SLC39A10: variants seen among roughly 807,000 people sequenced by gnomAD.
SLC39A10 encodes solute carrier family 39 member 10, also known as zinc transporter ZIP10.
In SLC39A10, 13 loss-of-function variants were observed where a neutral mutation model predicts 65.1. The ratio of observed to expected loss-of-function variants is 0.20; its 90% CI spans 0.13 to 0.32. The LOEUF (loss-of-function observed/expected upper bound fraction) is 0.32. Among genes scored for constraint, SLC39A10 ranks in the 10% least tolerant of loss-of-function variants. The pLI is 1.00. For missense variants in SLC39A10, 831 were observed against 1,018.4 expected, an observed-to-expected ratio of 0.82 and a Z score of 2.50; for synonymous variants, 321 against 342.2, an observed-to-expected ratio of 0.94 and a Z score of 0.68.
Position 195,680,443 on chromosome 2 carries a change from A to G in SLC39A10, c.401A>G (p.His134Arg). The change falls in exon 2 of 10, where the codon CAT becomes CGT. Residue 134 changes from histidine to arginine, a missense_variant. By Grantham distance (29) the His-to-Arg change is conservative. This residue lies in a region of SLC39A10 where 446 missense variants were observed against 499.2 expected (regional missense o/e 0.89). Coordinates refer to ENST00000359634, the MANE Select transcript of SLC39A10 (RefSeq NM_020342.3). ...CATAACCACCAGCATTCCCATAATC[A>G]TTTAAATTCAGAAAATCAAACTGTG... ...HSHNHQHSHN[H>R]LNSENQTVTS... is the part of the protein sequence containing the mutation. The G allele has an allele frequency of 6.2e-7, 1 of 1,614,180 alleles. No individual in the cohort carries two copies. The highest frequency in any genetic ancestry group is 8.5e-7 in the Non-Finnish European group (1 of 1,180,028).
intron 2 of SLC39A10, among the ~76,000 whole-genome samples, chr2:195,623,901 CCACACACACA>C (rs67959883): frequency 1.2e-3 from 177 of 142,960 alleles, no homozygotes; most frequent in African/African-American, 4.2e-3. Context: ...AAACAAAAAA[CCACACACACA>C]CACACACACA....
At chr2:195,669,216 G>A (rs573340783) in intron 1 of SLC39A10, among the ~76,000 whole-genome samples, 1 of 152,052 alleles carries the variant, frequency 6.6e-6, no homozygotes, top group Admixed American at 6.6e-5. Flanking sequence ...CAATGTCTTG[G>A]TTTTTTCTAT....
intron 3 of SLC39A10, among the ~76,000 whole-genome samples, chr2:195,685,691 G>A (rs1690498285): frequency 1.3e-5 from 2 of 152,084 alleles, no homozygotes; most frequent in African/African-American, 4.8e-5. Context: ...GACCATCCTA[G>A]GCTAAATTAT....
At chr2:195,659,343 A>T (rs1358127241) in intron 1 of SLC39A10, among the ~76,000 whole-genome samples, 1 of 152,218 alleles carries the variant, frequency 6.6e-6, no homozygotes, top group Non-Finnish European at 1.5e-5. Context: ...TAACTGCTTA[A>T]AAGCTAACAC....
intron 8 of SLC39A10, among the ~76,000 whole-genome samples, chr2:195,719,214 A>G (rs1691927443): frequency 6.6e-6 from 1 of 151,844 alleles, no homozygotes; most frequent in Non-Finnish European, 1.5e-5. Context: ...TTTTTCTAAA[A>G]GGGAAATGGG....
chr2:195,704,321 A>G (rs962486852), intron 3 of SLC39A10, among the ~76,000 whole-genome samples: 1 of 152,208 alleles, frequency 6.6e-6, no homozygotes, highest in Admixed American at 6.5e-5. Flanking sequence ...ATATATTTGT[A>G]AAGGGAAAGT....
intron 2 of SLC39A10, among the ~76,000 whole-genome samples, chr2:195,642,835 A>T (rs983281030): frequency 6.6e-6 from 1 of 152,134 alleles, no homozygotes; most frequent in Non-Finnish European, 1.5e-5. Flanking sequence ...GAGGACCCAG[A>T]AGGAGATTGC....
rs1181953656 is a variant in SLC39A10 at position 195,736,134 on chromosome 2, T to C, written c.*1093T>C. On this transcript the variant is annotated 3_prime_UTR_variant, in exon 10 of 10. Coordinates refer to ENST00000359634, the MANE Select transcript of SLC39A10 (RefSeq NM_020342.3). The stretch of plus-strand genomic sequence containing the variant: ...ACTAGGATAAACTCCATTATTGCCA[T>C]GGCTGTCATGGTACCCAAGTGACTT... 1.3e-5 allele frequency: 2 copies of C among 152,626 alleles called. No individual in the cohort carries two copies. The highest frequency in any genetic ancestry group is 2.9e-5 in the Non-Finnish European group (2 of 68,024). The allele number at this position is 152,626 out of a possible 1,614,324, so 9.5% of individuals were successfully genotyped here.
At chr2:195,702,530 C>T (rs1024684977) in intron 3 of SLC39A10, among the ~76,000 whole-genome samples, 7 of 152,208 alleles carry the variant, frequency 4.6e-5, no homozygotes, top group African/African-American at 1.7e-4. Flanking sequence ...AGTTCATTTA[C>T]AGTTTAGGAG....
At chr2:195,647,098 T>C (rs937511192) in intron 2 of SLC39A10, among the ~76,000 whole-genome samples, 1 of 152,172 alleles carries the variant, frequency 6.6e-6, no homozygotes, top group Non-Finnish European at 1.5e-5. Context: ...ATTTGGATAA[T>C]TGAAACTAAT....
At chr2:195,652,067 A>C (rs115417031), upstream of SLC39A10, among the ~76,000 whole-genome samples, 1 of 152,184 alleles carries the variant, frequency 6.6e-6, no homozygotes. Flanking sequence ...TACGATGTAC[A>C]TTGGTTTGGT....
At chr2:195,710,839 G>A (rs181176605) in intron 5 of SLC39A10, among the ~76,000 whole-genome samples, 9 of 152,280 alleles carry the variant, frequency 5.9e-5, no homozygotes, top group Non-Finnish European at 1.0e-4. Context: ...CTTGTGGAAG[G>A]TGAAGTAATT....
intron 2 of SLC39A10, among the ~76,000 whole-genome samples, chr2:195,622,694 C>A (rs1688375050): frequency 6.6e-6 from 1 of 152,038 alleles, no homozygotes; most frequent in Admixed American, 6.6e-5. Flanking sequence ...GTTTGAGGGC[C>A]GGGCGCGGTG....
At chr2:195,623,737 T>C (rs1222486338) in intron 2 of SLC39A10, among the ~76,000 whole-genome samples, 2 of 152,240 alleles carry the variant, frequency 1.3e-5, no homozygotes, top group African/African-American at 4.8e-5. Flanking sequence ...CACTTTTATG[T>C]GTATTATTCT....
chr2:195,697,211 A>G (rs1026862830), intron 3 of SLC39A10, among the ~76,000 whole-genome samples: 4 of 152,168 alleles, frequency 2.6e-5, no homozygotes, highest in African/African-American at 7.2e-5. Context: ...TTTAAAATAT[A>G]AGAGAGGATG....
At chr2:195,727,841 GCT>G (rs1353952464) in intron 8 of SLC39A10, among the ~76,000 whole-genome samples, 1 of 152,054 alleles carries the variant, frequency 6.6e-6, no homozygotes, top group East Asian at 1.9e-4. Context: ...CTTGCCCCGT[GCT>G]CTTCCTTTAG....
At chr2:195,634,455 T>A (rs1016154918) in intron 2 of SLC39A10, among the ~76,000 whole-genome samples, 2 of 152,204 alleles carry the variant, frequency 1.3e-5, no homozygotes, top group African/African-American at 4.8e-5. Flanking sequence ...CTGTTTTAGT[T>A]GTTCAACTTG....
Position 195,716,725 on chromosome 2 carries a change from T to A in SLC39A10, c.1785T>A (p.Asn595Lys), listed in dbSNP as rs765223191. 2 of 1,613,952 alleles carry A rather than the reference T, an allele frequency of 1.2e-6. No homozygotes were observed. The highest frequency in any genetic ancestry group is 2.7e-5 in the African/African-American group (2 of 74,892). Residue 595 changes from asparagine to lysine, a missense_variant, in exon 7 of 10, where the codon AAT (asparagine) becomes AAA (lysine). Coordinates refer to ENST00000359634, the MANE Select transcript of SLC39A10 (RefSeq NM_020342.3). ...LEGQQESPPK[N>K]YLCIEEEKII... ...GCCAACAAGAATCCCCTCCTAAAAA[T>A]TACCTTTGTATAGAAGAGGAGAAAA... is the stretch of plus-strand genomic sequence containing the variant.
At chr2:195,706,583 T>C (rs1451213812) in intron 3 of SLC39A10, 33 bp from the exon 4 acceptor site, 3 of 1,587,494 alleles carry the variant, frequency 1.9e-6, no homozygotes, top group Non-Finnish European at 2.6e-6. Context: ...TAAATTGTTA[T>C]ACTAATGTTG....
Sources: gnomAD v4.1 joint callset for allele counts (sites outside exome capture counted in the v4.1 genomes callset) on GRCh38, gnomAD v4.1.1 for gene constraint, gnomAD v4.1.1 regional missense constraint, MANE v1.5 for transcripts, NCBI Gene and HGNC (gene_info 2026-07-23, HGNC 2026-07-21) for gene names.